ZFPM2: variants seen among roughly 807,000 people sequenced by gnomAD.
The protein encoded by ZFPM2 is zinc finger protein ZFPM2.
A neutral mutation model predicts 98.6 loss-of-function variants in ZFPM2; 20 were observed. That is an observed-to-expected ratio of 0.20 (90% CI 0.14 to 0.29). ZFPM2 has a LOEUF of 0.29. ZFPM2 is among the 10% of genes least tolerant of loss of function. The pLI, the probability that ZFPM2 is intolerant of heterozygous loss-of-function variation, is 1.00. For synonymous variants in ZFPM2, 518 were observed against 502.7 expected, an observed-to-expected ratio of 1.03 and a Z score of -0.41; for missense variants, 1,310 against 1,388.6, an observed-to-expected ratio of 0.94 and a Z score of 0.90.
chr8:105,455,047 T>G (rs1177945314), intron 3 of ZFPM2, among the ~76,000 whole-genome samples: 1 of 152,150 alleles, frequency 6.6e-6, no homozygotes, highest in Non-Finnish European at 1.5e-5. Context: ...ATCTGAAAAT[T>G]CAAAATCCAA....
intron 2 of ZFPM2, among the ~76,000 whole-genome samples, chr8:105,428,504 C>A (rs1232652275): frequency 6.6e-6 from 1 of 152,156 alleles, no homozygotes; most frequent in Non-Finnish European, 1.5e-5. Context: ...GCTACAGTTT[C>A]TCACTGCCTG....
intron 2 of ZFPM2, among the ~76,000 whole-genome samples, chr8:105,427,369 G>A (rs149391192): frequency 3.4e-4 from 51 of 152,180 alleles, no homozygotes; most frequent in Middle Eastern, 3.4e-3. Flanking sequence ...AGTAACATAT[G>A]ATAATATGTA....
In ZFPM2 at chr8:105,803,411, G is replaced by T; in HGVS notation, c.3329G>T (p.Gly1110Val). 6.2e-7 allele frequency: 1 copy of T among 1,613,828 alleles called. No homozygotes were observed. The highest frequency in any genetic ancestry group is 8.5e-7 in the Non-Finnish European group (1 of 1,179,816). ...TCTAGTATAGCAAAAGGTGTGAATG[G>T]TTCCAGCCAGGCTCCAACCAGTGGG... ...QLSSIAKGVNGSSQAPTSGKY... is the reference protein window; with the variant it reads ...QLSSIAKGVNVSSQAPTSGKY... Residue 1110 changes from glycine (G) to valine (V), a missense_variant, in exon 8 of 8, where the codon GGT (glycine) becomes GTT (valine). Physicochemically the swap from Gly to Val is moderately radical, Grantham distance 109. Coordinates refer to ENST00000407775, the MANE Select transcript of ZFPM2 (RefSeq NM_012082.4).
chr8:105,511,331 G>A (rs560375444), intron 3 of ZFPM2, among the ~76,000 whole-genome samples: 1 of 152,292 alleles, frequency 6.6e-6, no homozygotes, highest in East Asian at 1.9e-4. Flanking sequence ...GTAAATAACC[G>A]ATGATGTATA....
chr8:105,452,634 C>T (rs746292215), intron 3 of ZFPM2, among the ~76,000 whole-genome samples: 19 of 151,834 alleles, frequency 1.3e-4, no homozygotes, highest in Non-Finnish European at 2.6e-4. Flanking sequence ...CACCTGTGGT[C>T]CAAGCTACTT....
At chr8:105,338,239 C>T (rs1289939079) in intron 1 of ZFPM2, among the ~76,000 whole-genome samples, 3 of 151,662 alleles carry the variant, frequency 2.0e-5, no homozygotes, top group African/African-American at 7.3e-5. Flanking sequence ...TGACCTCTTC[C>T]TTCCAAATAG....
At chr8:105,762,787 T>C (rs1812761269) in intron 5 of ZFPM2, among the ~76,000 whole-genome samples, 1 of 151,920 alleles carries the variant, frequency 6.6e-6, no homozygotes. Flanking sequence ...TATAAACAAA[T>C]CCAGACTCAA....
chr8:105,703,082 T>C (rs535583263), intron 5 of ZFPM2, among the ~76,000 whole-genome samples: 4 of 152,274 alleles, frequency 2.6e-5, no homozygotes, highest in African/African-American at 9.6e-5. Context: ...CCCAACATTC[T>C]TATATTCTGT....
At chr8:105,335,636 C>T (rs915125359) in intron 1 of ZFPM2, among the ~76,000 whole-genome samples, 1 of 151,772 alleles carries the variant, frequency 6.6e-6, no homozygotes, top group African/African-American at 2.4e-5. Flanking sequence ...ATGTTCCAGC[C>T]ATCAACTGTT....
chr8:105,418,190 C>T (rs1811716246), intron 1 of ZFPM2, among the ~76,000 whole-genome samples: 1 of 152,152 alleles, frequency 6.6e-6, no homozygotes, highest in Admixed American at 6.6e-5. Flanking sequence ...AGTATTTAGC[C>T]TGTCTGATGG....
intron 3 of ZFPM2, among the ~76,000 whole-genome samples, chr8:105,490,071 A>T (rs1813328238): frequency 6.6e-6 from 1 of 151,610 alleles, no homozygotes; most frequent in South Asian, 2.1e-4. Flanking sequence ...ACATGGTGAA[A>T]CCCCGTCTCT....
intron 2 of ZFPM2, among the ~76,000 whole-genome samples, chr8:105,440,186 G>C (rs1812207246): frequency 6.6e-6 from 1 of 152,082 alleles, no homozygotes; most frequent in African/African-American, 2.4e-5. Flanking sequence ...CAATGAGATA[G>C]AAACTCAGAG....
At chr8:105,595,438 G>A (rs1257480768) in intron 4 of ZFPM2, among the ~76,000 whole-genome samples, 1 of 152,098 alleles carries the variant, frequency 6.6e-6, no homozygotes, top group African/African-American at 2.4e-5. Flanking sequence ...AGGGGTAAGT[G>A]TGAAGATTAA....
chr8:105,759,407 C>T (rs563917186), intron 5 of ZFPM2, among the ~76,000 whole-genome samples: 1 of 152,040 alleles, frequency 6.6e-6, no homozygotes, highest in Admixed American at 6.6e-5. Context: ...GGCAAGATGC[C>T]TTTCCACAAT....
chr8:105,692,264 T>C (rs1298291649), intron 5 of ZFPM2, among the ~76,000 whole-genome samples: 1 of 152,228 alleles, frequency 6.6e-6, no homozygotes, highest in Non-Finnish European at 1.5e-5. Context: ...AACAAATTGT[T>C]AGAACACCTA....
intron 4 of ZFPM2, among the ~76,000 whole-genome samples, chr8:105,623,464 A>T (rs981909095): frequency 1.3e-5 from 2 of 152,208 alleles, no homozygotes; most frequent in Non-Finnish European, 2.9e-5. Context: ...ACAACATATA[A>T]TTAAAAGAAA....
At chr8:105,653,168 A>G (rs1817213772) in intron 5 of ZFPM2, among the ~76,000 whole-genome samples, 1 of 152,234 alleles carries the variant, frequency 6.6e-6, no homozygotes, top group Admixed American at 6.5e-5. Flanking sequence ...TGAACACATT[A>G]CATTTATTTT....
chr8:105,742,600 G>T (rs1253223442), intron 5 of ZFPM2, among the ~76,000 whole-genome samples: 1 of 151,910 alleles, frequency 6.6e-6, no homozygotes, highest in African/African-American at 2.4e-5. Context: ...GAGTTCAAAT[G>T]ATCATCCAAG....
Position 105,483,589 on chromosome 8 carries a change from C to CA in ZFPM2, c.301+39223dup, listed in dbSNP as rs528417557. 4.1e-3 allele frequency among the ~76,000 whole-genome samples: 442 copies of CA among 108,992 alleles called. 1 individual carries two copies. The highest frequency in any genetic ancestry group is 8.2e-3 in the African/African-American group (251 of 30,544). 71.5% of individuals were successfully genotyped at this position (108,992 alleles called of 152,430 possible). ...TGGGTGACAAAGTGGGAGTCCATCT[C>CA]AAAAAAAAAAAAAAATGTTTACGTT... On this transcript the variant is annotated intron_variant, in intron 3 of 7. Coordinates refer to ENST00000407775, the MANE Select transcript of ZFPM2 (RefSeq NM_012082.4).
Sources: gnomAD v4.1 joint callset for allele counts (sites outside exome capture counted in the v4.1 genomes callset) on GRCh38, gnomAD v4.1.1 for gene constraint, MANE v1.5 for transcripts, NCBI Gene and HGNC (gene_info 2026-07-23, HGNC 2026-07-21) for gene names.